The following ALDH1L1 variants were observed in gnomAD, a reference collection of about 807,000 sequenced individuals.
ALDH1L1 encodes the protein cytosolic 10-formyltetrahydrofolate dehydrogenase.
ALDH1L1 carries 68 observed loss-of-function variants against 101.1 expected under a neutral mutation model. That is an observed-to-expected ratio of 0.67 (90% CI 0.55 to 0.82). The LOEUF (loss-of-function observed/expected upper bound fraction) is 0.82. Among genes scored for constraint, ALDH1L1 ranks in the 40% least tolerant of loss-of-function variants. The pLI is 0.00. For synonymous variants in ALDH1L1, 486 were observed against 470.8 expected (o/e 1.03, Z -0.42); for missense variants, 1,087 against 1,172.7 (o/e 0.93, Z 1.07).
intron 2 of ALDH1L1, among the ~76,000 whole-genome samples, chr3:126,158,991 A>G (rs995342992): frequency 6.6e-6 from 1 of 151,942 alleles, no homozygotes; most frequent in African/African-American, 2.4e-5. Flanking sequence ...TGTGATGGGG[A>G]CTGCCCCCCT....
At position 126,124,478 on chromosome 3, in the gene ALDH1L1, T is replaced by C. The variant is rs747267927; in HGVS notation, c.1801-27A>G. The C allele has an allele frequency of 2.5e-6, 4 of 1,597,644 alleles. No individual in the cohort carries two copies. In the African/African-American group the frequency reaches 5.4e-5, roughly 22 times the overall value. ...TGGGTGTGGGGCCAGGAAAGGAGAC[T>C]GGGTAAGGAGGTTTTTGAAAGTGGG... is the stretch of plus-strand genomic sequence containing the variant. On this transcript the variant is annotated intron_variant, in intron 15 of 22. Transcript: ENST00000393434.
intron 13 of ALDH1L1, 131 bp downstream of exon 13, chr3:126,131,253 G>A: frequency 8.4e-7 from 1 of 1,186,210 alleles, no homozygotes. Flanking sequence ...CTAATAAACA[G>A]GTGTCATTCC....
rs1559941815 is a variant in ALDH1L1 at position 126,137,880 on chromosome 3, T to C, written c.1157A>G (p.Asp386Gly). ...EDVYMASTFG[D>G]FIQLLVRKLR... ...CTTCCTCACTAACAGCTGGATGAAG[T>C]CCCCAAAGGTGGATGCCATGTACAC... The change falls in exon 10 of 23, where the codon GAC becomes GGC. Residue 386 changes from aspartate (D) to glycine (G), a missense_variant. This residue lies in a region of ALDH1L1 where 645 missense variants were observed against 637.0 expected (regional missense o/e 1.01). Transcript: ENST00000393434. The C allele has an allele frequency of 4.3e-6, 7 of 1,614,076 alleles. No homozygotes were observed. The highest frequency in any genetic ancestry group is 5.9e-6 in the Non-Finnish European group (7 of 1,179,996).
chr3:126,150,673 G>A, intron 7 of ALDH1L1, 142 bp from the exon 8 acceptor site: 1 of 1,022,374 alleles, frequency 9.8e-7, no homozygotes, highest in Non-Finnish European at 1.4e-6. Context: ...TCCTGCCTCA[G>A]CCCTCCTGAA....
In ALDH1L1 at chr3:126,153,525, G is replaced by T. The variant is rs756726923; in HGVS notation, c.777C>A (p.Asp259Glu). ...LNTSGLVPEG[D>E]ALPIPGAHRP... ...GATGGGCTCCTGGGATGGGCAAAGCGTCTCCCTCGGGCACCAGGCCTGAAG... is the reference window on the plus strand; with the variant it reads ...GATGGGCTCCTGGGATGGGCAAAGCTTCTCCCTCGGGCACCAGGCCTGAAG... The change falls in exon 7 of 23, where the codon GAC becomes GAA. Residue 259 changes from aspartate to glutamate, a missense_variant. Transcript: ENST00000393434. 1 of 1,614,178 alleles carries T rather than the reference G, an allele frequency of 6.2e-7. No individual in the cohort carries two copies. The highest frequency in any genetic ancestry group is 8.5e-7 in the Non-Finnish European group (1 of 1,180,022).
At chr3:126,178,206 C>A (rs1165541279) in intron 1 of ALDH1L1, among the ~76,000 whole-genome samples, 1 of 151,766 alleles carries the variant, frequency 6.6e-6, no homozygotes, top group African/African-American at 2.4e-5. Context: ...CAAAGTGAGA[C>A]CCATCTCTAC....
upstream of ALDH1L1, among the ~76,000 whole-genome samples, chr3:126,184,870 T>TTTTTG (rs577311809): frequency 4.4e-3 from 671 of 152,166 alleles, 4 homozygotes; most frequent in Non-Finnish European, 7.5e-3. Flanking sequence ...CCTGGGCTTG[T>TTTTTG]TTTTGTTTTG....
chr3:126,186,656 C>T (rs2081520516), intron 1 of ALDH1L1, among the ~76,000 whole-genome samples: 1 of 149,410 alleles, frequency 6.7e-6, no homozygotes, highest in African/African-American at 2.5e-5. Context: ...CACCTCATGT[C>T]CTTCCAGGAC....
intron 4 of ALDH1L1, 35 bp from the exon 5 acceptor site, chr3:126,155,538 T>G: frequency 6.3e-7 from 1 of 1,582,120 alleles, no homozygotes. Context: ...TCCCCAGCAA[T>G]AGGACCCTGC....
At chr3:126,190,433 A>G (rs2081545453) in intron 1 of ALDH1L1, among the ~76,000 whole-genome samples, 1 of 152,216 alleles carries the variant, frequency 6.6e-6, no homozygotes, top group Admixed American at 6.5e-5. Context: ...CGGAAGCTTC[A>G]AGGACTCAGA....
chr3:126,155,435 G>A lies in ALDH1L1; in HGVS notation c.597C>T (p.Thr199=), dbSNP rs771076006. 37 of 1,613,102 alleles carry A rather than the reference G, an allele frequency of 2.3e-5. No individual in the cohort carries two copies. Among genetic ancestry groups the A allele is most frequent in the Non-Finnish European group, 3.1e-5 (37 of 1,179,700 alleles). ...PRLPQPEEGA[T]YEGIQKKETA... is the part of the protein sequence containing the mutation. ...TCTCCTTCTTCTGAATCCCCTCATA[G>A]GTGGCTCCTTCCTCAGGCTGAGGGA... The change falls in exon 5 of 23, where the codon ACC becomes ACT. Residue 199 remains threonine (T), a synonymous_variant. Transcript: ENST00000393434.
chr3:126,150,825 T>C, intron 7 of ALDH1L1: 1 of 295,092 alleles, frequency 3.4e-6, no homozygotes. Context: ...CCCAAAGTGC[T>C]GGGATTACAG....
upstream of ALDH1L1, among the ~76,000 whole-genome samples, chr3:126,182,005 C>T (rs1169517937): frequency 1.3e-5 from 2 of 152,140 alleles, no homozygotes; most frequent in Non-Finnish European, 2.9e-5. Flanking sequence ...CAGAGAACCC[C>T]CATCATTCTT....
intron 2 of ALDH1L1, chr3:126,160,182 A>G (rs1383565086): frequency 1.3e-5 from 2 of 152,940 alleles, no homozygotes; most frequent in East Asian, 3.8e-4. Context: ...CCAGGTTAAC[A>G]ATTTCACCTA....
chr3:126,176,260 G>C (rs764596016), intron 1 of ALDH1L1, among the ~76,000 whole-genome samples: 1 of 152,064 alleles, frequency 6.6e-6, no homozygotes, highest in Non-Finnish European at 1.5e-5. Context: ...AGTTCTTTCC[G>C]ACTTTATCTA....
intron 18 of ALDH1L1, among the ~76,000 whole-genome samples, chr3:126,113,382 G>A (rs1329488458): frequency 6.6e-6 from 1 of 152,188 alleles, no homozygotes; most frequent in Admixed American, 6.5e-5. Context: ...GGTGAGAGGT[G>A]GGGCAGCCCT....
chr3:126,136,706 G>T, intron 11 of ALDH1L1, 58 bp downstream of exon 11: 1 of 1,549,536 alleles, frequency 6.5e-7, no homozygotes, highest in Non-Finnish European at 8.7e-7. Flanking sequence ...GTGGGGGCAG[G>T]GAAGGAAGGA....
chr3:126,111,813 T>G (rs1559916293), intron 19 of ALDH1L1, among the ~76,000 whole-genome samples: 1 of 152,198 alleles, frequency 6.6e-6, no homozygotes, highest in Non-Finnish European at 1.5e-5. Context: ...TAGATGCTGC[T>G]CTCCACAACC....
At chr3:126,150,701 G>T (rs375525024) in intron 7 of ALDH1L1, 170 bp from the exon 8 acceptor site, 4 of 698,394 alleles carry the variant, frequency 5.7e-6, no homozygotes, top group East Asian at 8.5e-5. Flanking sequence ...GATTACAGGC[G>T]CGCACCACCA....
Sources: allele counts gnomAD v4.1 joint callset (sites outside exome capture counted in the v4.1 genomes callset), GRCh38; gene constraint gnomAD v4.1.1; regional missense constraint gnomAD v4.1.1; transcripts MANE v1.5; gene names NCBI Gene and HGNC (gene_info 2026-07-23, HGNC 2026-07-21).